Variants in ARPC4 observed in about 807,000 individuals in gnomAD.
ARPC4 encodes actin-related protein 2/3 complex subunit 4.
Under a neutral mutation model 22.8 loss-of-function variants are expected in ARPC4, and 3 were observed. The observed-to-expected ratio is 0.13, with a 90% CI of 0.06 to 0.34. The LOEUF (loss-of-function observed/expected upper bound fraction) is 0.34, where lower values mean the gene tolerates loss of function less well. Among genes scored for constraint, ARPC4 ranks in the 10% least tolerant of loss-of-function variants. ARPC4 has a pLI of 1.00. For missense variants in ARPC4, 98 were observed against 211.0 expected (o/e 0.46, Z 3.32); for synonymous variants, 80 against 72.5 (o/e 1.10, Z -0.52).
At chr3:9,801,540 G>A (rs534518277) in intron 3 of ARPC4, 121 bp from the exon 4 acceptor site, 1 of 946,084 alleles carries the variant, frequency 1.1e-6, no homozygotes, top group East Asian at 2.8e-5. Context: ...ATCCTTCCGA[G>A]TACCAAACCT....
intron 4 of ARPC4, among the ~76,000 whole-genome samples, chr3:9,802,055 A>G (rs933389099): frequency 5.3e-5 from 8 of 152,012 alleles, no homozygotes; most frequent in Middle Eastern, 3.4e-3. Context: ...CCTGGCCAAC[A>G]TGGTGAAACC....
At chr3:9,797,872 C>G (rs2078928507) in intron 2 of ARPC4, 95 bp downstream of exon 2, 27 of 1,265,026 alleles carry the variant, frequency 2.1e-5, no homozygotes, top group Non-Finnish European at 2.9e-5. Flanking sequence ...CTGCAGTAGT[C>G]AGGAAAGCTG....
At chr3:9,797,174 C>G (rs2078913031) in intron 1 of ARPC4, among the ~76,000 whole-genome samples, 1 of 152,170 alleles carries the variant, frequency 6.6e-6, no homozygotes, top group African/African-American at 2.4e-5. Flanking sequence ...GCGTGGCAAA[C>G]AGTACACCTA....
chr3:9,798,873 A>AAAAAT lies in ARPC4; in HGVS notation c.122+1127_122+1131dup, dbSNP rs5846647. Among the ~76,000 whole-genome samples, 270 of 150,998 alleles carry AAAAAT rather than the reference A, an allele frequency of 1.8e-3. 1 individual carries two copies. The highest frequency in any genetic ancestry group is 4.2e-3 in the African/African-American group (172 of 41,058). ...TGGCAGCAGAGCAAGACTTCGTCTC[A>AAAAAT]AAAATAAAATAAAATAAAATAAAAT... On this transcript the variant is annotated intron_variant, in intron 2 of 5. Coordinates refer to ENST00000397261, the MANE Select transcript of ARPC4 (RefSeq NM_005718.5).
chr3:9,799,995 C>T, intron 2 of ARPC4, 190 bp from the exon 3 acceptor site: 3 of 691,570 alleles, frequency 4.3e-6, no homozygotes, highest in Admixed American at 2.1e-5. Context: ...ACCTTTTCGC[C>T]CTGACTTCAG....
intron 1 of ARPC4, among the ~76,000 whole-genome samples, chr3:9,796,940 CA>C (rs374104136): frequency 2.5e-4 from 29 of 114,698 alleles, no homozygotes; most frequent in South Asian, 9.2e-4. Flanking sequence ...GACTCTGTCT[CA>C]AAAAAAAAAA....
chr3:9,795,806 A>G (rs1048406380), intron 1 of ARPC4, among the ~76,000 whole-genome samples: 3 of 152,232 alleles, frequency 2.0e-5, no homozygotes, highest in African/African-American at 4.8e-5. Context: ...TTACAAAGGC[A>G]TGAAGGAGGG....
chr3:9,799,965 A>G (rs1367641390), intron 2 of ARPC4: 1 of 652,920 alleles, frequency 1.5e-6, no homozygotes, highest in African/African-American at 1.8e-5. Context: ...GGAAAGTAAC[A>G]GAGGAGGCTG....
At chr3:9,796,413 G>A (rs2078887743) in intron 1 of ARPC4, among the ~76,000 whole-genome samples, 1 of 152,106 alleles carries the variant, frequency 6.6e-6, no homozygotes, top group South Asian at 2.1e-4. Flanking sequence ...ATATTAAGAA[G>A]ACATGAAAGA....
upstream of ARPC4, chr3:9,792,946 G>T (rs2078778998): frequency 1.4e-6 from 2 of 1,414,216 alleles, no homozygotes; most frequent in Non-Finnish European, 1.8e-6. Flanking sequence ...ACAGCCCTAG[G>T]TGGAAAACTT....
At chr3:9,792,982 GCT>G (rs2078779903), upstream of ARPC4, 4 of 1,440,720 alleles carry the variant, frequency 2.8e-6, no homozygotes, top group South Asian at 1.4e-5. Context: ...GTTCGTAAGG[GCT>G]CTCTACCCCG....
At position 9,806,282 on chromosome 3, in the gene ARPC4, G is replaced by A; in HGVS notation, c.*67G>A. On this transcript the variant is annotated 3_prime_UTR_variant, in exon 6 of 6. Coordinates refer to ENST00000397261, the MANE Select transcript of ARPC4 (RefSeq NM_005718.5). ...CATGTCTCCACGAAGGCGTCCTGGAGTCACTCCCCGAGCAGCGCGGCGGCG... is the reference window on the plus strand; with the variant it reads ...CATGTCTCCACGAAGGCGTCCTGGAATCACTCCCCGAGCAGCGCGGCGGCG... 1.9e-6 allele frequency: 3 copies of A among 1,567,926 alleles called. No homozygotes were observed. The highest frequency in any genetic ancestry group is 1.1e-5 in the South Asian group (1 of 90,156).
chr3:9,799,898 A>T (rs1480435561), intron 2 of ARPC4: 1 of 552,904 alleles, frequency 1.8e-6, no homozygotes, highest in Non-Finnish European at 3.4e-6. Flanking sequence ...GTGAATTAGG[A>T]ATCAGAGTCA....
intron 1 of ARPC4, among the ~76,000 whole-genome samples, chr3:9,794,947 T>A (rs1421363239): frequency 6.6e-6 from 1 of 152,232 alleles, no homozygotes; most frequent in Non-Finnish European, 1.5e-5. Context: ...GTTACTCTTT[T>A]TTTATTACCA....
chr3:9,796,940 CAAA>C (rs374104136), intron 1 of ARPC4, among the ~76,000 whole-genome samples: 5 of 114,722 alleles, frequency 4.4e-5, no homozygotes, highest in Non-Finnish European at 5.2e-5. Flanking sequence ...GACTCTGTCT[CAAA>C]AAAAAAAAAA....
intron 1 of ARPC4, among the ~76,000 whole-genome samples, chr3:9,794,702 G>A (rs11131187): frequency 0.61 from 91,863 of 151,782 alleles, 29,382 homozygotes; most frequent in Middle Eastern, 0.82. Flanking sequence ...AAGTCAAGTT[G>A]TGTAACCACT....
chr3:9,798,573 G>A (rs1475899505), intron 2 of ARPC4, among the ~76,000 whole-genome samples: 1 of 151,580 alleles, frequency 6.6e-6, no homozygotes, highest in African/African-American at 2.4e-5. Flanking sequence ...GTGAGACCCT[G>A]TCTCAAAAAA....
At chr3:9,799,013 C>T (rs1009928085) in intron 2 of ARPC4, among the ~76,000 whole-genome samples, 9 of 152,230 alleles carry the variant, frequency 5.9e-5, no homozygotes, top group African/African-American at 1.9e-4. Flanking sequence ...AGGATATGCC[C>T]TGTTATACTG....
At chr3:9,799,690 G>A (rs979701019) in intron 2 of ARPC4, among the ~76,000 whole-genome samples, 7 of 152,162 alleles carry the variant, frequency 4.6e-5, no homozygotes, top group African/African-American at 1.7e-4. Context: ...TGATCCACCA[G>A]CCTCAGCCTC....
Sources: allele counts gnomAD v4.1 joint callset (sites outside exome capture counted in the v4.1 genomes callset), GRCh38; gene constraint gnomAD v4.1.1; transcripts MANE v1.5; gene names NCBI Gene and HGNC (gene_info 2026-07-23, HGNC 2026-07-21).